The following ARHGAP22 variants were observed in gnomAD, a reference collection of about 807,000 sequenced individuals.
ARHGAP22 encodes Rho GTPase activating protein 22, also known as rho GTPase-activating protein 22.
In ARHGAP22, 48 loss-of-function variants were observed where a neutral mutation model predicts 59.1. The observed-to-expected ratio is 0.81, with a 90% CI of 0.64 to 1.03. The LOEUF (loss-of-function observed/expected upper bound fraction) is 1.03, where lower values mean the gene tolerates loss of function less well. Among genes scored for constraint, ARHGAP22 ranks in the 50% least tolerant of loss-of-function variants. The pLI is 0.00. For synonymous variants in ARHGAP22, 445 were observed against 416.4 expected (o/e 1.07, Z -0.84); for missense variants, 1,015 against 958.7 (o/e 1.06, Z -0.78).
intron 3 of ARHGAP22, among the ~76,000 whole-genome samples, chr10:48,552,564 TACTTCCTGCTCCTGCCCCCAGGTA>T (rs1398294003): frequency 1.3e-5 from 2 of 152,268 alleles, no homozygotes; most frequent in African/African-American, 4.8e-5. Context: ...CACTTGGTGA[TACTTCCTGCTCCTGCCCCCAGGTA>T]ACTGTGCTCA....
At chr10:48,488,037 G>A (rs2134178883) in intron 3 of ARHGAP22, among the ~76,000 whole-genome samples, 1 of 152,276 alleles carries the variant, frequency 6.6e-6, no homozygotes, top group East Asian at 1.9e-4. Context: ...ATGCCACAGA[G>A]CAAGATCCTG....
At position 48,479,729 on chromosome 10, in the gene ARHGAP22, G is replaced by A; in HGVS notation, c.358C>T (p.Pro120Ser). 1.2e-6 allele frequency: 2 copies of A among 1,602,446 alleles called. No homozygotes were observed. Among genetic ancestry groups the A allele is most frequent in the Non-Finnish European group, 1.7e-6 (2 of 1,173,440 alleles). Reference protein sequence around the residue: ...AGEREKVPANPEALLLMASSQ... With the variant: ...AGEREKVPANSEALLLMASSQ... The stretch of plus-strand genomic sequence containing the variant: ...CTGGCCATGAGCAGGAGCGCCTCGG[G>A]GTTGGCCGGCACCTTCTCCCGCTCC... The change falls in exon 4 of 10, where the codon CCC (proline) becomes TCC (serine). Residue 120 changes from proline (P) to serine (S), a missense_variant. Coordinates refer to ENST00000249601, the MANE Select transcript of ARHGAP22 (RefSeq NM_021226.4).
intron 1 of ARHGAP22, among the ~76,000 whole-genome samples, chr10:48,621,467 A>G (rs978006727): frequency 7.9e-5 from 12 of 152,252 alleles, no homozygotes; most frequent in Admixed American, 6.5e-4. Flanking sequence ...ATTTAAGTAA[A>G]TGGTAACTAT....
chr10:48,490,041 C>T (rs1425256290), intron 3 of ARHGAP22, among the ~76,000 whole-genome samples: 1 of 152,118 alleles, frequency 6.6e-6, no homozygotes, highest in Non-Finnish European at 1.5e-5. Context: ...CCCAGAGGCT[C>T]TCTTAAACAG....
intron 1 of ARHGAP22, among the ~76,000 whole-genome samples, chr10:48,634,075 G>T (rs981640789): frequency 3.3e-5 from 5 of 152,198 alleles, no homozygotes; most frequent in African/African-American, 1.2e-4. Context: ...CAGCTCACCT[G>T]TTGAGAGAAG....
intron 3 of ARHGAP22, among the ~76,000 whole-genome samples, chr10:48,512,455 C>A (rs1440189892): frequency 1.3e-5 from 2 of 152,228 alleles, no homozygotes; most frequent in Admixed American, 1.3e-4. Flanking sequence ...GTGCTTAAAA[C>A]AGGGCTTGAC....
At chr10:48,479,527 GC>G in intron 4 of ARHGAP22, 108 bp downstream of exon 4, 1 of 1,581,684 alleles carries the variant, frequency 6.3e-7, no homozygotes, top group East Asian at 2.3e-5. Flanking sequence ...ACAGGATGCA[GC>G]CAGCAAGTCC....
chr10:48,529,342 G>C (rs957080936), intron 3 of ARHGAP22, among the ~76,000 whole-genome samples: 3 of 152,200 alleles, frequency 2.0e-5, no homozygotes, highest in African/African-American at 7.2e-5. Flanking sequence ...TGCATCTTAT[G>C]TAATCCCCTC....
chr10:48,599,753 G>T lies in ARHGAP22; in HGVS notation c.34+5010C>A, dbSNP rs1030821369. On this transcript the variant is annotated intron_variant, in intron 1 of 9. Transcript: ENST00000249601. Reference sequence around the variant, plus strand: ...TCCCACTAGCCTGCTGCTTGGCCAGGCTGACTTTCAGGGGAACAAATCTGG... The same window carrying T: ...TCCCACTAGCCTGCTGCTTGGCCAGTCTGACTTTCAGGGGAACAAATCTGG... Among the ~76,000 whole-genome samples, 5 of 152,180 alleles carry T rather than the reference G, an allele frequency of 3.3e-5. 1 individual carries two copies. In the East Asian group the frequency reaches 9.6e-4, roughly 29 times the overall value.
intron 1 of ARHGAP22, among the ~76,000 whole-genome samples, chr10:48,616,731 A>G (rs905391293): frequency 1.3e-5 from 2 of 152,110 alleles, no homozygotes; most frequent in Admixed American, 6.5e-5. Flanking sequence ...ACATCTGGCA[A>G]AACTATCCTT....
At chr10:48,626,488 T>C (rs1033569452) in intron 1 of ARHGAP22, among the ~76,000 whole-genome samples, 23 of 152,348 alleles carry the variant, frequency 1.5e-4, no homozygotes, top group Non-Finnish European at 3.2e-4. Flanking sequence ...TGATATTTGT[T>C]AAGCATTTGC....
At position 48,455,140 on chromosome 10, in the gene ARHGAP22, G is replaced by C. The variant is rs779486546; in HGVS notation, c.660-6C>G. The C allele has an allele frequency of 1.2e-6, 2 of 1,603,862 alleles. No individual in the cohort carries two copies. Among genetic ancestry groups the C allele is most frequent in the Admixed American group, 3.4e-5 (2 of 59,674 alleles). ...CCGTGTGCACGTCTGTTGTGCTGTG[G>C]GGGGGAAGAGGACAGGTGTGTGAGG... On this transcript the variant is annotated splice_region_variant and splice_polypyrimidine_tract_variant and intron_variant, in intron 5 of 9. Transcript: ENST00000249601.
rs545056581 is a variant in ARHGAP22 at position 48,636,529 on chromosome 10, C to T, written c.52+15705G>A. Among the ~76,000 whole-genome samples the T allele has an allele frequency of 7.2e-5, 11 of 152,306 alleles. No individual in the cohort carries two copies. The East Asian group carries it at 1.2e-3, about 16-fold the overall frequency. Reference sequence around the variant, plus strand: ...CCTGCCCTGAATCCATGGGTTGCATCGGGGTCCTCCTGTTTCTTGCTGCTC... The same window carrying T: ...CCTGCCCTGAATCCATGGGTTGCATTGGGGTCCTCCTGTTTCTTGCTGCTC... On this transcript the variant is annotated intron_variant, in intron 1 of 9. Transcript: ENST00000435790.
rs567946152 is a variant in ARHGAP22, at chr10:48,611,626, C to T, written c.53-28474G>A. Among the ~76,000 whole-genome samples, 6 of 152,246 alleles carry T rather than the reference C, an allele frequency of 3.9e-5. No individual in the cohort carries two copies. The East Asian group carries it at 1.2e-3, about 29-fold the overall frequency. On this transcript the variant is annotated intron_variant, in intron 1 of 9. Coordinates refer to the ARHGAP22 transcript ENST00000435790. Reference sequence around the variant, plus strand: ...GCACTATTGAAAATCAAGCCTTCTACCTTGAGAAAATAGCTGCTTGTTGAA... The same window carrying T: ...GCACTATTGAAAATCAAGCCTTCTATCTTGAGAAAATAGCTGCTTGTTGAA...
At chr10:48,609,812 G>A (rs1170747486), upstream of ARHGAP22, among the ~76,000 whole-genome samples, 2 of 152,188 alleles carry the variant, frequency 1.3e-5, no homozygotes, top group Non-Finnish European at 2.9e-5. Flanking sequence ...AGAGGAGTAC[G>A]AGTTTTTCCT....
At chr10:48,597,451 A>G (rs1400719552) in intron 1 of ARHGAP22, among the ~76,000 whole-genome samples, 4 of 152,160 alleles carry the variant, frequency 2.6e-5, no homozygotes, top group African/African-American at 9.7e-5. Context: ...AGGTCATGGA[A>G]GATGCACAGG....
chr10:48,493,520 G>A (rs2050622181), intron 3 of ARHGAP22: 1 of 1,534,216 alleles, frequency 6.5e-7, no homozygotes, highest in East Asian at 2.4e-5. Flanking sequence ...TGCAGTGAGA[G>A]GAGCAGTGGC....
chr10:48,436,444 G>A, the ARHGAP22 span: 4 of 152,076 alleles, frequency 2.6e-5, no homozygotes, highest in Non-Finnish European at 5.9e-5. Flanking sequence ...TCTGAAATAC[G>A]TTGTCTGTAA....
intron 1 of ARHGAP22, among the ~76,000 whole-genome samples, chr10:48,623,443 C>T (rs773284753): frequency 2.6e-5 from 4 of 152,210 alleles, no homozygotes; most frequent in Non-Finnish European, 5.9e-5. Flanking sequence ...CTTTAATCCA[C>T]ATCCACTTAG....
Sources: gnomAD v4.1 joint callset for allele counts (sites outside exome capture counted in the v4.1 genomes callset) on GRCh38, gnomAD v4.1.1 for gene constraint, MANE v1.5 for transcripts, NCBI Gene and HGNC (gene_info 2026-07-23, HGNC 2026-07-21) for gene names.